The following COL25A1 variants were observed in gnomAD, a reference collection of about 807,000 sequenced individuals.
COL25A1 encodes the protein collagen type XXV alpha 1 chain, also known as collagen alpha-1(XXV) chain.
In COL25A1, 103 loss-of-function variants were observed where a neutral mutation model predicts 128.4. The ratio of observed to expected loss-of-function variants is 0.80; its 90% CI spans 0.68 to 0.94. The LOEUF is 0.94. COL25A1 is among the 40% of genes least tolerant of loss of function. COL25A1 has a pLI of 0.00. For synonymous variants in COL25A1, 279 were observed against 277.2 expected, an observed-to-expected ratio of 1.01 and a Z score of -0.06; for missense variants, 745 against 840.0, an observed-to-expected ratio of 0.89 and a Z score of 1.40.
intron 3 of COL25A1, among the ~76,000 whole-genome samples, chr4:109,090,682 T>G (rs1183574661): frequency 1.3e-5 from 2 of 151,782 alleles, no homozygotes; most frequent in Non-Finnish European, 2.9e-5. Flanking sequence ...CACTTCCTTC[T>G]TGGTCAGAAT....
In COL25A1 at chr4:108,940,637, C is replaced by T. The variant is rs1165156331; in HGVS notation, c.574G>A (p.Gly192Arg). ...GGGGGTCCTGGAGGCCCTGCCTGTCCTTGGTCACCCTGTGATGGAGAAGGG... is the reference window on the plus strand; with the variant it reads ...GGGGGTCCTGGAGGCCCTGCCTGTCTTTGGTCACCCTGTGATGGAGAAGGG... Reference protein sequence around the residue: ...IKRRLIKGDQGQAGPPGPPGP... With the variant: ...IKRRLIKGDQRQAGPPGPPGP... Residue 192 changes from glycine to arginine, a missense_variant, in exon 10 of 38, where the codon GGA (glycine) becomes AGA (arginine). By Grantham distance (125) the Gly-to-Arg change is moderately radical. Around this residue, in one of 3 missense-constraint regions of COL25A1, gnomAD observed 319 missense variants for 324.9 expected, o/e 0.98. Coordinates refer to ENST00000399132, the MANE Select transcript of COL25A1 (RefSeq NM_198721.4). 1 of 1,593,210 alleles carries T rather than the reference C, an allele frequency of 6.3e-7. No individual in the cohort carries two copies. The highest frequency in any genetic ancestry group is 8.5e-7 in the Non-Finnish European group (1 of 1,170,940).
chr4:109,216,066 C>T (rs1777954892), intron 3 of COL25A1, among the ~76,000 whole-genome samples: 1 of 151,998 alleles, frequency 6.6e-6, no homozygotes, highest in African/African-American at 2.4e-5. Context: ...GATCCTCTTT[C>T]CTTGTTTTAT....
At chr4:108,878,026 A>G (rs1401199482) in intron 19 of COL25A1, among the ~76,000 whole-genome samples, 1 of 152,222 alleles carries the variant, frequency 6.6e-6, no homozygotes, top group Non-Finnish European at 1.5e-5. Context: ...TCAATGTAAG[A>G]AAGGAGGAGA....
At chr4:108,912,947 T>A (rs1233352572) in intron 13 of COL25A1, among the ~76,000 whole-genome samples, 4 of 152,188 alleles carry the variant, frequency 2.6e-5, no homozygotes, top group Admixed American at 2.6e-4. Flanking sequence ...CACTTAGCTA[T>A]TTGTGATGGA....
chr4:108,876,121 T>C (rs1425408551), intron 19 of COL25A1, among the ~76,000 whole-genome samples: 1 of 151,738 alleles, frequency 6.6e-6, no homozygotes, highest in Non-Finnish European at 1.5e-5. Flanking sequence ...AAATGATAAG[T>C]TGATGGGTGC....
At chr4:108,832,977 A>AAATAAATAAATAAATG (rs1733338255) in intron 31 of COL25A1, among the ~76,000 whole-genome samples, 1 of 150,816 alleles carries the variant, frequency 6.6e-6, no homozygotes, top group Admixed American at 6.6e-5. Flanking sequence ...AAAAAATAAT[A>AAATAAATAAATAAATG]AATAAATAAA....
intron 6 of COL25A1, among the ~76,000 whole-genome samples, chr4:108,976,539 T>C (rs1752464306): frequency 6.6e-6 from 1 of 152,164 alleles, no homozygotes; most frequent in South Asian, 2.1e-4. Flanking sequence ...TAAAGTCATG[T>C]TTTGGTTTCA....
intron 3 of COL25A1, among the ~76,000 whole-genome samples, chr4:109,275,590 G>A (rs1208551074): frequency 1.3e-5 from 2 of 152,208 alleles, no homozygotes; most frequent in Admixed American, 1.3e-4. Context: ...GAGGATGGCT[G>A]AGGGCTTCTG....
intron 3 of COL25A1, among the ~76,000 whole-genome samples, chr4:109,223,038 A>G (rs1361527944): frequency 2.6e-5 from 4 of 152,208 alleles, no homozygotes; most frequent in African/African-American, 9.7e-5. Flanking sequence ...TATATCACAT[A>G]TATACCAACT....
chr4:109,007,701 G>C (rs1386887579), intron 6 of COL25A1, among the ~76,000 whole-genome samples: 3 of 152,174 alleles, frequency 2.0e-5, no homozygotes, highest in Admixed American at 2.0e-4. Flanking sequence ...GAAAATGCTG[G>C]TCCCAGCCTC....
intron 5 of COL25A1, among the ~76,000 whole-genome samples, chr4:109,033,574 C>T (rs1036269464): frequency 7.9e-5 from 12 of 152,150 alleles, no homozygotes; most frequent in African/African-American, 2.2e-4. Flanking sequence ...TTTGCTTTTG[C>T]GGTCCTGAGG....
At chr4:109,204,937 A>G (rs1776859256) in intron 3 of COL25A1, among the ~76,000 whole-genome samples, 1 of 152,174 alleles carries the variant, frequency 6.6e-6, no homozygotes, top group Non-Finnish European at 1.5e-5. Flanking sequence ...TGTACTATAG[A>G]GTAGATAAGT....
chr4:108,992,203 A>G lies in COL25A1; in HGVS notation c.439-17644T>C, dbSNP rs114078443. Among the ~76,000 whole-genome samples, 1,490 of 152,322 alleles carry G rather than the reference A, an allele frequency of 9.8e-3. 27 individuals are homozygous for G. Among genetic ancestry groups the G allele is most frequent in the African/African-American group, 0.034 (1,412 of 41,570 alleles). ...ACTCCTCCAAATTCCTAAGGCAATT[A>G]TATCTCCTTTATGTTCATGAAACTC... On this transcript the variant is annotated intron_variant, in intron 6 of 37. Coordinates refer to ENST00000399132, the MANE Select transcript of COL25A1 (RefSeq NM_198721.4).
At chr4:109,116,750 A>T (rs1384097571) in intron 3 of COL25A1, among the ~76,000 whole-genome samples, 4 of 152,058 alleles carry the variant, frequency 2.6e-5, no homozygotes, top group African/African-American at 7.2e-5. Context: ...AGGGCTTTAA[A>T]GGTAAAAGTA....
At chr4:108,927,560 CTAT>C (rs1262689426) in intron 11 of COL25A1, among the ~76,000 whole-genome samples, 2 of 152,086 alleles carry the variant, frequency 1.3e-5, no homozygotes, top group African/African-American at 2.4e-5. Context: ...CCCATAATTT[CTAT>C]TATTTGAAAA....
intron 5 of COL25A1, among the ~76,000 whole-genome samples, chr4:109,025,765 A>G (rs72899072): frequency 0.011 from 1,636 of 152,326 alleles, 29 homozygotes; most frequent in African/African-American, 0.037. Context: ...ACCACTACAC[A>G]ACACCAAGAG....
intron 3 of COL25A1, among the ~76,000 whole-genome samples, chr4:109,148,167 A>G (rs17039959): frequency 0.088 from 13,462 of 152,280 alleles, 848 homozygotes; most frequent in East Asian, 0.23. Flanking sequence ...AGAATGTTTC[A>G]GTTCAAATAA....
rs776941019 is a variant in COL25A1 at position 109,057,421 on chromosome 4, A to ATTTTTTTTTTTTTTTTTTTTTTTTTTT, written c.368-7269_368-7243dup. 3.0e-4 allele frequency among the ~76,000 whole-genome samples: 6 copies of ATTTTTTTTTTTTTTTTTTTTTTTTTTT among 20,238 alleles called. 1 individual carries two copies. The highest frequency in any genetic ancestry group is 5.2e-4 in the African/African-American group (3 of 5,768). The allele number at this position is 20,238 out of a possible 152,430, so 13.3% of individuals were successfully genotyped here. Reference sequence around the variant, plus strand: ...TAGCTGGGACCACCATGCCTAGCTAATTTTTTTTTTTTTTTTTTTTTTTTT... The same window carrying ATTTTTTTTTTTTTTTTTTTTTTTTTTT: ...TAGCTGGGACCACCATGCCTAGCTAATTTTTTTTTTTTTTTTTTTTTTTTTTTTTTTTTTTTTTTTTTTTTTTTTTTT... On this transcript the variant is annotated intron_variant, in intron 3 of 37. Transcript: ENST00000399132.
intron 3 of COL25A1, among the ~76,000 whole-genome samples, chr4:109,294,041 A>C (rs1724726882): frequency 6.6e-6 from 1 of 152,180 alleles, no homozygotes; most frequent in South Asian, 2.1e-4. Flanking sequence ...ATGCTTTTAA[A>C]TATCTTAAAG....
Sources: allele counts gnomAD v4.1 joint callset (sites outside exome capture counted in the v4.1 genomes callset), GRCh38; gene constraint gnomAD v4.1.1; regional missense constraint gnomAD v4.1.1; transcripts MANE v1.5; gene names NCBI Gene and HGNC (gene_info 2026-07-23, HGNC 2026-07-21).